Variants in VPS13C observed in about 807,000 individuals in gnomAD.
VPS13C encodes vacuolar protein sorting 13 homolog C, also known as intermembrane lipid transfer protein VPS13C.
In VPS13C, 358 loss-of-function variants were observed where a neutral mutation model predicts 456.8. That is an observed-to-expected ratio of 0.78 (90% CI 0.72 to 0.86). The LOEUF (loss-of-function observed/expected upper bound fraction) is 0.86. Among genes scored for constraint, VPS13C ranks in the 40% least tolerant of loss-of-function variants. The pLI is 0.00. For synonymous variants in VPS13C, 1,578 were observed against 1,486.7 expected (o/e 1.06, Z -1.41); for missense variants, 4,818 against 4,385.4 (o/e 1.10, Z -2.79).
chr15:62,009,318 G>A (rs547712439), intron 13 of VPS13C, among the ~76,000 whole-genome samples: 2 of 85,928 alleles, frequency 2.3e-5, no homozygotes, highest in East Asian at 6.6e-4. Context: ...CAGTTCAAAT[G>A]GAGGGAAACA....
In VPS13C at chr15:61,984,888, C is replaced by A. The variant is rs774781202; in HGVS notation, c.1690G>T (p.Val564Leu). The change falls in exon 19 of 85, where the codon GTA becomes TTA. Residue 564 changes from valine to leucine, a missense_variant. By Grantham distance (32) the Val-to-Leu change is conservative. Coordinates refer to ENST00000644861, the MANE Select transcript of VPS13C (RefSeq NM_020821.3). ...GCTTGTGCTCCTGGTCGCTGAGATA[C>A]TTGAGTGCCCAGGCCAATTATCTGA... ...KIQIIGLGTQ[V>L]SQRPGAQALK... The A allele has an allele frequency of 1.2e-6, 2 of 1,613,348 alleles. No homozygotes were observed. The highest frequency in any genetic ancestry group is 1.7e-6 in the Non-Finnish European group (2 of 1,179,752).
At chr15:61,994,743 C>T (rs2046329624) in intron 16 of VPS13C, among the ~76,000 whole-genome samples, 1 of 151,994 alleles carries the variant, frequency 6.6e-6, no homozygotes, top group Admixed American at 6.6e-5. Context: ...GTGTGTGCCA[C>T]CACACCCGGC....
chr15:62,029,721 G>A (rs1253845708), intron 5 of VPS13C, among the ~76,000 whole-genome samples: 1 of 152,034 alleles, frequency 6.6e-6, no homozygotes, highest in East Asian at 1.9e-4. Flanking sequence ...TTTCAACAAT[G>A]TGTAGACTGG....
At chr15:61,924,351 C>T (rs2043770693) in intron 53 of VPS13C, among the ~76,000 whole-genome samples, 1 of 152,220 alleles carries the variant, frequency 6.6e-6, no homozygotes, top group Non-Finnish European at 1.5e-5. Flanking sequence ...CATGCCTGTG[C>T]TCCCAACTGC....
intron 66 of VPS13C, among the ~76,000 whole-genome samples, chr15:61,894,293 G>C (rs1416063880): frequency 6.6e-6 from 1 of 151,200 alleles, no homozygotes. Context: ...GGGTGACAGA[G>C]CAAGACTCCG....
intron 55 of VPS13C, 63 bp downstream of exon 55, chr15:61,921,884 T>TA: frequency 1.3e-6 from 2 of 1,541,052 alleles, no homozygotes; most frequent in East Asian, 2.3e-5. Context: ...ATCACTGAAA[T>TA]AAAAACTATG....
chr15:61,991,134 T>C (rs776605852), intron 17 of VPS13C, 40 bp from the exon 18 acceptor site: 3 of 1,433,256 alleles, frequency 2.1e-6, no homozygotes, highest in Admixed American at 2.1e-5. Context: ...ATTGCTTCCA[T>C]TTTACAAATA....
intron 81 of VPS13C, chr15:61,865,507 A>G: frequency 4.1e-6 from 4 of 970,216 alleles, no homozygotes; most frequent in Non-Finnish European, 3.7e-6. Context: ...TGAGTATTAA[A>G]TGACTATATA....
chr15:61,973,569 G>T, intron 25 of VPS13C, 37 bp from the exon 26 acceptor site: 1 of 1,475,860 alleles, frequency 6.8e-7, no homozygotes, highest in South Asian at 1.1e-5. Flanking sequence ...TAAAAAGGAT[G>T]ACTTAGCAGG....
intron 47 of VPS13C, among the ~76,000 whole-genome samples, chr15:61,937,258 A>G (rs2044257644): frequency 6.6e-6 from 1 of 152,232 alleles, no homozygotes; most frequent in Admixed American, 6.5e-5. Flanking sequence ...TAACTTATCA[A>G]GAATAATACC....
chr15:61,895,798 C>A (rs972637082), intron 66 of VPS13C, among the ~76,000 whole-genome samples: 3 of 152,000 alleles, frequency 2.0e-5, no homozygotes, highest in Non-Finnish European at 4.4e-5. Flanking sequence ...ATACTAGAGG[C>A]TGGGAAGGAT....
At chr15:61,902,857 C>T (rs911374364) in intron 66 of VPS13C, among the ~76,000 whole-genome samples, 12 of 135,718 alleles carry the variant, frequency 8.8e-5, no homozygotes, top group Non-Finnish European at 1.6e-4. Context: ...CTCAGGCAAG[C>T]GAAAGAAAAA....
At position 62,046,290 on chromosome 15, in the gene VPS13C, G is replaced by T. The variant is rs1424154258; in HGVS notation, c.101-2035C>A. ...TAGAGTCATAGTAAAGAGTTATTTTGGAGGCAGAATTGACAGGATATCATC... is the reference window on the plus strand; with the variant it reads ...TAGAGTCATAGTAAAGAGTTATTTTTGAGGCAGAATTGACAGGATATCATC... On this transcript the variant is annotated intron_variant, in intron 1 of 84. Transcript: ENST00000644861. Among the ~76,000 whole-genome samples, 3 of 152,064 alleles carry T rather than the reference G, an allele frequency of 2.0e-5. No homozygotes were observed. The East Asian group carries it at 5.8e-4, about 29-fold the overall frequency.
chr15:62,000,720 T>G (rs974148681), intron 15 of VPS13C, 94 bp from the exon 16 acceptor site: 38 of 929,544 alleles, frequency 4.1e-5, no homozygotes, highest in Admixed American at 6.0e-5. Context: ...TAGTCCATTA[T>G]CAGTACCTGT....
chr15:62,015,268 G>C (rs1305333259), intron 9 of VPS13C, among the ~76,000 whole-genome samples: 3 of 152,120 alleles, frequency 2.0e-5, no homozygotes, highest in African/African-American at 4.8e-5. Context: ...TTGGAAACAG[G>C]CAAAGGATAA....
chr15:62,057,935 T>A, intron 1 of VPS13C, among the ~76,000 whole-genome samples: 1 of 152,238 alleles, frequency 6.6e-6, no homozygotes, highest in Non-Finnish European at 1.5e-5. Flanking sequence ...AGAGTAACAT[T>A]TGATGGCAAT....
Position 61,969,411 on chromosome 15 carries a change from T to G in VPS13C, c.2799A>C (p.Thr933=), listed in dbSNP as rs1257434976. The stretch of plus-strand genomic sequence containing the variant: ...ACTGAGTAACATTAAATACTAGAAT[T>G]GTATCTTCTTCTTTCTGCTGTTTAG... The part of the protein sequence containing the change: ...EFTKQQKEED[T]ILVFNVTQLG... The change falls in exon 28 of 85, where the codon ACA becomes ACC. Residue 933 remains threonine, a synonymous_variant. Transcript: ENST00000644861. The G allele has an allele frequency of 4.4e-6, 7 of 1,575,684 alleles. No homozygotes were observed. Among genetic ancestry groups the G allele is most frequent in the Non-Finnish European group, 6.0e-6 (7 of 1,159,464 alleles).
At position 61,896,465 on chromosome 15, in the gene VPS13C, T is replaced by C. The variant is rs147022562; in HGVS notation, c.9106-6065A>G. On this transcript the variant is annotated intron_variant, in intron 66 of 84. Coordinates refer to ENST00000644861, the MANE Select transcript of VPS13C (RefSeq NM_020821.3). ...AAGCGCAAGGGGTCAGGGAGTTCCC[T>C]TTCCTACTCAAAGAAAGGGGTGACG... 8.0e-3 allele frequency among the ~76,000 whole-genome samples: 1,222 copies of C among 152,274 alleles called. 14 individuals carry two copies. The highest frequency in any genetic ancestry group is 0.028 in the African/African-American group (1,173 of 41,544).
chr15:62,004,749 T>C lies in VPS13C; in HGVS notation c.1290+2559A>G, dbSNP rs955999427. ...TTGTTCTCGTTGGTTTCAAAGAACA[T>C]CTTTATTTCTGCCTTCATTTCGTTA... On this transcript the variant is annotated intron_variant, in intron 15 of 84. Coordinates refer to ENST00000644861, the MANE Select transcript of VPS13C (RefSeq NM_020821.3). Among the ~76,000 whole-genome samples, 23 of 150,354 alleles carry C rather than the reference T, an allele frequency of 1.5e-4. 1 individual carries two copies. The highest frequency in any genetic ancestry group is 2.8e-4 in the Non-Finnish European group (19 of 67,040).
Sources: gnomAD v4.1 joint callset for allele counts (sites outside exome capture counted in the v4.1 genomes callset) on GRCh38, gnomAD v4.1.1 for gene constraint, MANE v1.5 for transcripts, NCBI Gene and HGNC (gene_info 2026-07-23, HGNC 2026-07-21) for gene names.